The following LCORL variants were observed in gnomAD, a reference collection of about 807,000 sequenced individuals.
LCORL encodes the protein ligand dependent nuclear receptor corepressor like.
Under a neutral mutation model 141.8 loss-of-function variants are expected in LCORL, and 41 were observed. The observed-to-expected ratio is 0.29, with a 90% CI of 0.23 to 0.38. LCORL has a LOEUF of 0.38. LCORL is among the 10% of genes least tolerant of loss of function. LCORL has a pLI of 1.00. For missense variants in LCORL, 1,759 were observed against 2,035.0 expected (o/e 0.86, Z 2.61); for synonymous variants, 618 against 694.1 (o/e 0.89, Z 1.72).
intron 1 of LCORL, among the ~76,000 whole-genome samples, chr4:18,010,427 T>C (rs184651183): frequency 3.2e-4 from 48 of 152,162 alleles, no homozygotes; most frequent in African/African-American, 1.0e-3. Flanking sequence ...TATATATGTA[T>C]GTATGTATAT....
At chr4:17,962,425 C>T (rs1490036084) in intron 3 of LCORL, among the ~76,000 whole-genome samples, 3 of 152,050 alleles carry the variant, frequency 2.0e-5, no homozygotes, top group Non-Finnish European at 2.9e-5. Flanking sequence ...CTCAGCCCTT[C>T]TCACAACAGT....
intron 4 of LCORL, among the ~76,000 whole-genome samples, chr4:17,945,994 A>C (rs1738818566): frequency 6.6e-6 from 1 of 152,030 alleles, no homozygotes; most frequent in Admixed American, 6.6e-5. Flanking sequence ...AGAGAAAAGC[A>C]GACATCTAAG....
At chr4:18,014,018 G>A (rs1236441480) in intron 1 of LCORL, among the ~76,000 whole-genome samples, 2 of 152,098 alleles carry the variant, frequency 1.3e-5, no homozygotes, top group Non-Finnish European at 2.9e-5. Context: ...ATCTTGGCAA[G>A]GCTGGTCTCC....
chr4:17,887,432 C>T (rs1342053640), intron 5 of LCORL, among the ~76,000 whole-genome samples: 2 of 152,098 alleles, frequency 1.3e-5, no homozygotes, highest in Non-Finnish European at 2.9e-5. Context: ...TCAGTGCAGG[C>T]TTCTTTGATT....
intron 4 of LCORL, among the ~76,000 whole-genome samples, chr4:17,940,833 T>A (rs1737832494): frequency 6.6e-6 from 1 of 152,044 alleles, no homozygotes; most frequent in Admixed American, 6.6e-5. Flanking sequence ...AGGTTAAGAA[T>A]CTCTGAGCTA....
exon 7 of LCORL, chr4:17,876,682 T>C: frequency 8.1e-7 from 1 of 1,230,802 alleles, no homozygotes; most frequent in Admixed American, 4.2e-5. Context: ...TTAGTTCTGC[T>C]CAAAAGTCCA....
intron 5 of LCORL, among the ~76,000 whole-genome samples, chr4:17,887,580 T>C (rs1451903854): frequency 6.6e-6 from 1 of 152,086 alleles, no homozygotes. Context: ...GGCCAGGGTA[T>C]CTGAAATGAA....
At position 17,911,853 on chromosome 4, in the gene LCORL, C is replaced by T. The variant is rs76456927; in HGVS notation, c.431-2508G>A. 3.2e-3 allele frequency: 1,488 copies of T among 460,258 alleles called. 26 individuals are homozygous for T. Among genetic ancestry groups the T allele is most frequent in the Admixed American group, 0.031 (1,163 of 36,936 alleles). 28.5% of individuals were successfully genotyped at this position (460,258 alleles called of 1,614,324 possible). ...CCAGCTTCCAGGGCGGCTTGAGGTC[C>T]GGGGACCTGGCCGTGGGGATGGCCG... On this transcript the variant is annotated intron_variant, in intron 4 of 7. Transcript: ENST00000635767.
intron 1 of LCORL, among the ~76,000 whole-genome samples, chr4:18,006,663 A>C (rs748283219): frequency 6.6e-6 from 1 of 152,126 alleles, no homozygotes; most frequent in Non-Finnish European, 1.5e-5. Flanking sequence ...TTGTGCAGGG[A>C]AAGTCCCCTT....
intron 2 of LCORL, among the ~76,000 whole-genome samples, chr4:17,968,439 T>G (rs1237215933): frequency 1.3e-5 from 2 of 152,198 alleles, no homozygotes; most frequent in Non-Finnish European, 2.9e-5. Flanking sequence ...TATTCCTTAT[T>G]GCTAATCACA....
chr4:17,858,558 TA>T (rs753059223), intron 7 of LCORL, among the ~76,000 whole-genome samples: 1,910 of 139,274 alleles, frequency 0.014, 32 homozygotes, highest in African/African-American at 0.041. Context: ...CTGTCTTTAC[TA>T]AAAAAAAAAA....
intron 2 of LCORL, among the ~76,000 whole-genome samples, chr4:17,967,893 T>C (rs1478817215): frequency 6.6e-6 from 1 of 151,942 alleles, no homozygotes; most frequent in Non-Finnish European, 1.5e-5. Context: ...AGTTCCACTC[T>C]GTTGCCCAGG....
intron 1 of LCORL, among the ~76,000 whole-genome samples, chr4:17,985,731 C>T (rs1718842027): frequency 6.6e-6 from 1 of 152,066 alleles, no homozygotes; most frequent in Non-Finnish European, 1.5e-5. Context: ...CTACTCTCTA[C>T]TTTTCAAATA....
chr4:17,936,515 T>C (rs193295091), intron 4 of LCORL, among the ~76,000 whole-genome samples: 132 of 152,224 alleles, frequency 8.7e-4, no homozygotes, highest in African/African-American at 3.0e-3. Flanking sequence ...ACAAAAACAA[T>C]AAAATGTGTA....
intron 1 of LCORL, among the ~76,000 whole-genome samples, chr4:17,994,592 A>G (rs1720592585): frequency 6.6e-6 from 1 of 152,202 alleles, no homozygotes; most frequent in Non-Finnish European, 1.5e-5. Flanking sequence ...ACCCTGTATT[A>G]TTCCCTTTGG....
At chr4:17,981,378 T>G (rs2109721388) in intron 1 of LCORL, among the ~76,000 whole-genome samples, 1 of 152,330 alleles carries the variant, frequency 6.6e-6, no homozygotes, top group East Asian at 1.9e-4. Flanking sequence ...GACTTCATAT[T>G]TGTCCAACAC....
Position 17,875,524 on chromosome 4 carries a change from C to T in LCORL, c.3466G>A (p.Val1156Ile), listed in dbSNP as rs1726825477. ...CTTATGTTTACCCTTCCTTCAGAAACATGCCTTTTAGTTCTTCTTGACCTT... is the reference window on the plus strand; with the variant it reads ...CTTATGTTTACCCTTCCTTCAGAAATATGCCTTTTAGTTCTTCTTGACCTT... Residue 1156 changes from valine to isoleucine, a missense_variant, in exon 7 of 8, where the codon GTT (valine) becomes ATT (isoleucine). By Grantham distance (29) the Val-to-Ile change is conservative. This residue lies in a region of LCORL where 1,311 missense variants were observed against 1,531.3 expected (regional missense o/e 0.86). Coordinates refer to ENST00000635767, the Ensembl canonical transcript of LCORL. 3.2e-6 allele frequency: 4 copies of T among 1,231,178 alleles called. No individual in the cohort carries two copies. In the African/African-American group the frequency reaches 4.7e-5, roughly 14 times the overall value. 76.3% of individuals were successfully genotyped at this position (1,231,178 alleles called of 1,614,324 possible). A position where few individuals can be genotyped will look rare whatever the true frequency, so the allele number is the denominator to read the frequency against.
intron 7 of LCORL, 142 bp from the exon 8 acceptor site, chr4:17,846,043 G>A: frequency 1.5e-6 from 1 of 646,960 alleles, no homozygotes. Context: ...AAATACAACA[G>A]TTTTCTCTCC....
chr4:17,992,677 G>A (rs979260536), intron 1 of LCORL, among the ~76,000 whole-genome samples: 9 of 152,166 alleles, frequency 5.9e-5, no homozygotes, highest in Non-Finnish European at 1.0e-4. Context: ...TGATAACTTT[G>A]ACCTCCATAA....
Sources: allele counts gnomAD v4.1 joint callset (sites outside exome capture counted in the v4.1 genomes callset), GRCh38; gene constraint gnomAD v4.1.1; regional missense constraint gnomAD v4.1.1; transcripts MANE v1.5; gene names NCBI Gene and HGNC (gene_info 2026-07-23, HGNC 2026-07-21).